ACTR3C: variants seen among roughly 807,000 people sequenced by gnomAD.
ACTR3C encodes actin related protein 3C.
In ACTR3C, 18 loss-of-function variants were observed where a neutral mutation model predicts 26.3. The observed-to-expected ratio is 0.68, with a 90% CI of 0.47 to 1.01. The LOEUF is 1.01. Ranked by LOEUF, ACTR3C falls within the 50% of genes least tolerant of loss-of-function variation. The pLI, the probability that ACTR3C is intolerant of heterozygous loss-of-function variation, is 0.00. For synonymous variants in ACTR3C, 55 were observed against 94.5 expected (o/e 0.58, Z 2.42); for missense variants, 184 against 250.7 (o/e 0.73, Z 1.80).
chr7:150,158,047 T>C, the ACTR3C span, among the ~76,000 whole-genome samples: 20 of 152,140 alleles, frequency 1.3e-4, no homozygotes, highest in Non-Finnish European at 5.9e-5. Flanking sequence ...AATAGACATT[T>C]CTTCCAAAGA....
At chr7:150,236,566 T>G in the ACTR3C span, among the ~76,000 whole-genome samples, 1 of 152,196 alleles carries the variant, frequency 6.6e-6, no homozygotes, top group African/African-American at 2.4e-5. Context: ...TAAATCCAGT[T>G]GAACTTGGAA....
the ACTR3C span, among the ~76,000 whole-genome samples, chr7:150,046,356 C>CCT: frequency 3.0e-3 from 242 of 80,392 alleles, 16 homozygotes; most frequent in South Asian, 0.038. Context: ...CGCCCCCCCC[C>CCT]CCCCGACCCA....
chr7:150,112,024 T>C, the ACTR3C span, among the ~76,000 whole-genome samples: 2 of 151,000 alleles, frequency 1.3e-5, no homozygotes, highest in African/African-American at 4.9e-5. Context: ...ATTTCCGGGA[T>C]TCATTTATTC....
At chr7:150,079,889 G>GC in the ACTR3C span, among the ~76,000 whole-genome samples, 1 of 152,038 alleles carries the variant, frequency 6.6e-6, no homozygotes, top group Non-Finnish European at 1.5e-5. Context: ...TCTTGCACTT[G>GC]CCCATGTGTT....
the ACTR3C span, among the ~76,000 whole-genome samples, chr7:150,075,711 G>A: frequency 1.3e-5 from 2 of 152,176 alleles, no homozygotes; most frequent in Middle Eastern, 6.3e-3. Flanking sequence ...CTCCCATGTG[G>A]CTGAATCCAT....
the ACTR3C span, chr7:150,000,769 G>GC: frequency 2.9e-5 from 4 of 138,834 alleles, no homozygotes; most frequent in Non-Finnish European, 6.4e-5. Flanking sequence ...CCCCTTCCCA[G>GC]CCCGCAGCTC....
the ACTR3C span, among the ~76,000 whole-genome samples, chr7:150,166,235 T>G: frequency 6.6e-6 from 1 of 150,914 alleles, no homozygotes; most frequent in Admixed American, 6.6e-5. Context: ...AAAATTGATA[T>G]GTAATTGTAT....
chr7:149,936,469 AGTTT>A, the ACTR3C span, among the ~76,000 whole-genome samples: 7 of 152,184 alleles, frequency 4.6e-5, no homozygotes, highest in African/African-American at 1.7e-4. Context: ...ATTTTAGCAT[AGTTT>A]GTTAGGGGAA....
At chr7:150,027,118 G>A in the ACTR3C span, among the ~76,000 whole-genome samples, 1 of 152,028 alleles carries the variant, frequency 6.6e-6, no homozygotes, top group Non-Finnish European at 1.5e-5. Context: ...CACAGTGAAC[G>A]ACACAGTCCA....
chr7:150,068,131 T>G, the ACTR3C span, among the ~76,000 whole-genome samples: 4 of 152,252 alleles, frequency 2.6e-5, no homozygotes, highest in Non-Finnish European at 5.9e-5. Flanking sequence ...AGATTTTTTA[T>G]TTTTAAAGAT....
At chr7:150,311,000 C>T (rs768639593) in intron 1 of ACTR3C, among the ~76,000 whole-genome samples, 2 of 152,116 alleles carry the variant, frequency 1.3e-5, no homozygotes, top group Non-Finnish European at 2.9e-5. Context: ...AGTTAATCTC[C>T]CAGGCCCCTA....
the ACTR3C span, among the ~76,000 whole-genome samples, chr7:150,042,505 G>A: frequency 1.4e-5 from 2 of 142,586 alleles, no homozygotes; most frequent in Non-Finnish European, 3.0e-5. Context: ...CGCGGGGATT[G>A]CCTCGCCCCC....
At chr7:149,946,905 C>A in the ACTR3C span, among the ~76,000 whole-genome samples, 1 of 151,848 alleles carries the variant, frequency 6.6e-6, no homozygotes, top group South Asian at 2.1e-4. Context: ...TACAACACCA[C>A]GAATCAAATC....
the ACTR3C span, among the ~76,000 whole-genome samples, chr7:150,005,510 A>G: frequency 2.9e-4 from 44 of 152,040 alleles, no homozygotes; most frequent in African/African-American, 1.1e-3. Context: ...GTGAATGTCC[A>G]CATCACCTCC....
the ACTR3C span, among the ~76,000 whole-genome samples, chr7:150,049,372 C>T: frequency 6.6e-6 from 1 of 152,194 alleles, no homozygotes; most frequent in African/African-American, 2.4e-5. Flanking sequence ...AGAGAGCGAA[C>T]GTGGGCCGGG....
chr7:150,053,624 T>C, the ACTR3C span, among the ~76,000 whole-genome samples: 2 of 133,762 alleles, frequency 1.5e-5, no homozygotes, highest in East Asian at 2.3e-4. Context: ...TTCTCAGGCT[T>C]TGACTTCAAA....
At chr7:150,232,196 T>TA in the ACTR3C span, among the ~76,000 whole-genome samples, 1 of 152,224 alleles carries the variant, frequency 6.6e-6, no homozygotes, top group Non-Finnish European at 1.5e-5. Flanking sequence ...TATGCAATTT[T>TA]AAAAATTAGT....
Position 150,320,777 on chromosome 7 carries a change from AAAC to A in ACTR3C, c.-52+2689_-52+2691del, listed in dbSNP as rs1448757117. On this transcript the variant is annotated intron_variant, in intron 1 of 7. Coordinates refer to ENST00000683684, the MANE Select transcript of ACTR3C (RefSeq NM_001164458.2). ...GACTCCATCTCCAAAACAAAAACAA[AAAC>A]AAGAATGCCTTTTTCCATTAACTTG... Among the ~76,000 whole-genome samples the A allele has an allele frequency of 2.0e-5, 3 of 152,226 alleles. No individual in the cohort carries two copies. In the East Asian group the frequency reaches 5.8e-4, roughly 29 times the overall value.
At chr7:150,304,090 C>T (rs949874936) in intron 1 of ACTR3C, among the ~76,000 whole-genome samples, 15 of 152,192 alleles carry the variant, frequency 9.9e-5, no homozygotes, top group Middle Eastern at 3.4e-3. Context: ...CTCAAGGAAG[C>T]GAGAATAGGA....
Sources: allele counts gnomAD v4.1 joint callset (sites outside exome capture counted in the v4.1 genomes callset), GRCh38; gene constraint gnomAD v4.1.1; transcripts MANE v1.5; gene names NCBI Gene and HGNC (gene_info 2026-07-23, HGNC 2026-07-21).